Variants in CNIH3 observed in about 807,000 individuals in gnomAD.
The protein encoded by CNIH3 is cornichon family AMPA receptor auxiliary protein 3.
In CNIH3, 14 loss-of-function variants were observed where a neutral mutation model predicts 24.1. That is an observed-to-expected ratio of 0.58 (90% CI 0.38 to 0.91). The LOEUF is 0.91. Among genes scored for constraint, CNIH3 ranks in the 40% least tolerant of loss-of-function variants. CNIH3 has a pLI of 0.00. For synonymous variants in CNIH3, 68 were observed against 73.8 expected, an observed-to-expected ratio of 0.92 and a Z score of 0.40; for missense variants, 178 against 196.8, an observed-to-expected ratio of 0.90 and a Z score of 0.57.
At chr1:224,735,133 C>CAG (rs1482216803) in intron 5 of CNIH3, among the ~76,000 whole-genome samples, 2 of 152,160 alleles carry the variant, frequency 1.3e-5, no homozygotes, top group Non-Finnish European at 2.9e-5. Context: ...GGAACCATAA[C>CAG]AGAGGCCCCA....
intron 1 of CNIH3, among the ~76,000 whole-genome samples, chr1:224,678,270 A>G (rs1406528524): frequency 2.0e-5 from 3 of 152,318 alleles, no homozygotes; most frequent in East Asian, 3.9e-4. Context: ...AAGCACATGA[A>G]AAGACCTAGG....
At chr1:224,454,261 T>TC (rs1675552712) in intron 1 of CNIH3, 1 of 976,318 alleles carries the variant, frequency 1.0e-6, no homozygotes, top group Non-Finnish European at 1.2e-6. Context: ...TAGTAAGTTT[T>TC]TTTTTTTTTT....
chr1:224,542,727 G>A (rs1442252990), intron 2 of CNIH3, among the ~76,000 whole-genome samples: 4 of 152,130 alleles, frequency 2.6e-5, no homozygotes, highest in Non-Finnish European at 5.9e-5. Context: ...TGTCTTCCTA[G>A]GAACAGTCCA....
intron 1 of CNIH3, among the ~76,000 whole-genome samples, chr1:224,502,718 C>T (rs751819613): frequency 1.1e-4 from 16 of 152,226 alleles, no homozygotes; most frequent in Admixed American, 6.5e-5. Flanking sequence ...AAAAGACTGT[C>T]CCCTTTTCAT....
At chr1:224,663,939 C>G (rs531416494) in intron 1 of CNIH3, among the ~76,000 whole-genome samples, 1 of 152,194 alleles carries the variant, frequency 6.6e-6, no homozygotes, top group Admixed American at 6.5e-5. Context: ...GTCAAGGAAC[C>G]AAAATCTGTT....
Position 224,681,863 on chromosome 1 carries a change from T to C in CNIH3, c.150+837T>C, listed in dbSNP as rs1686420634. ...GGTGCACACACAGTTCATTCAAGTGTGTTTCTCAATCCAAATTCACTGGTT... is the reference window on the plus strand; with the variant it reads ...GGTGCACACACAGTTCATTCAAGTGCGTTTCTCAATCCAAATTCACTGGTT... On this transcript the variant is annotated intron_variant, in intron 2 of 5. Coordinates refer to ENST00000272133, the MANE Select transcript of CNIH3 (RefSeq NM_152495.2). Among the ~76,000 whole-genome samples, 10 of 152,196 alleles carry C rather than the reference T, an allele frequency of 6.6e-5. No homozygotes were observed. The South Asian group carries it at 1.4e-3, about 22-fold the overall frequency.
rs114576397 is a variant in CNIH3 at position 224,692,478 on chromosome 1, G to T, written c.198+7635G>T. Among the ~76,000 whole-genome samples, 281 of 152,286 alleles carry T rather than the reference G, an allele frequency of 1.8e-3. 1 individual carries two copies. The highest frequency in any genetic ancestry group is 6.3e-3 in the African/African-American group (261 of 41,546). ...TTGAGGGACATGATACGTGAAAAGG[G>T]ATACGTAAACTCAAAGGCAGTTGTG... is the stretch of plus-strand genomic sequence containing the variant. On this transcript the variant is annotated intron_variant, in intron 3 of 5. Coordinates refer to ENST00000272133, the MANE Select transcript of CNIH3 (RefSeq NM_152495.2).
At chr1:224,448,530 G>A (rs1359629250) in intron 1 of CNIH3, among the ~76,000 whole-genome samples, 1 of 152,158 alleles carries the variant, frequency 6.6e-6, no homozygotes, top group African/African-American at 2.4e-5. Flanking sequence ...AAGTTTTCTT[G>A]GAGTAAGTGG....
intron 1 of CNIH3, among the ~76,000 whole-genome samples, chr1:224,639,943 A>G (rs768786476): frequency 2.6e-5 from 4 of 152,178 alleles, no homozygotes; most frequent in Admixed American, 1.3e-4. Context: ...TATCACCTCC[A>G]TGTATTGAGT....
At chr1:224,597,671 C>T in intron 3 of CNIH3, among the ~76,000 whole-genome samples, 1 of 152,096 alleles carries the variant, frequency 6.6e-6, no homozygotes, top group East Asian at 1.9e-4. Context: ...CCATCCCTTC[C>T]CCCATACCTT....
chr1:224,516,850 A>T (rs1678410206), intron 1 of CNIH3, among the ~76,000 whole-genome samples: 1 of 149,606 alleles, frequency 6.7e-6, no homozygotes, highest in Middle Eastern at 3.5e-3. Context: ...CTAAGGACAC[A>T]CTCTTTCCTT....
At chr1:224,510,185 C>T (rs1678085945) in intron 1 of CNIH3, among the ~76,000 whole-genome samples, 1 of 152,092 alleles carries the variant, frequency 6.6e-6, no homozygotes, top group African/African-American at 2.4e-5. Context: ...TTGGAACTGC[C>T]CCCGTGAGAG....
intron 1 of CNIH3, among the ~76,000 whole-genome samples, chr1:224,649,924 C>T (rs1228264384): frequency 6.6e-6 from 1 of 152,186 alleles, no homozygotes; most frequent in Non-Finnish European, 1.5e-5. Context: ...AATTGTTGTT[C>T]TTAACAGAAT....
intron 1 of CNIH3, among the ~76,000 whole-genome samples, chr1:224,519,825 A>G (rs1678552235): frequency 1.3e-5 from 2 of 151,988 alleles, no homozygotes; most frequent in South Asian, 2.1e-4. Flanking sequence ...TACTAGCCAC[A>G]TGTGGCTATT....
chr1:224,557,627 T>G (rs1306692581), intron 3 of CNIH3, among the ~76,000 whole-genome samples: 1 of 152,142 alleles, frequency 6.6e-6, no homozygotes, highest in Non-Finnish European at 1.5e-5. Flanking sequence ...CAGCTAATTT[T>G]TGTATTTTTA....
At chr1:224,701,601 A>ATTC (rs1265656334) in intron 3 of CNIH3, among the ~76,000 whole-genome samples, 2 of 152,190 alleles carry the variant, frequency 1.3e-5, no homozygotes, top group Non-Finnish European at 2.9e-5. Context: ...TTATGGGGAG[A>ATTC]TGAACATTCA....
At chr1:224,546,777 A>G (rs1363761953) in intron 2 of CNIH3, 1 of 421,194 alleles carries the variant, frequency 2.4e-6, no homozygotes, top group Non-Finnish European at 3.2e-6. Flanking sequence ...GCAGAGCCTC[A>G]GCTTTGACAA....
In CNIH3 at chr1:224,643,513, C is replaced by T. The variant is rs77619049; in HGVS notation, c.81+26258C>T. On this transcript the variant is annotated intron_variant, in intron 1 of 5. Transcript: ENST00000272133. ...AGTGAGTGGGTCATGAAGGCAAGGC[C>T]TGACGTGGTGGGTCTGGTGTGTGAG... 9.4e-3 allele frequency among the ~76,000 whole-genome samples: 1,434 copies of T among 152,236 alleles called. 6 individuals are homozygous for T. The highest frequency in any genetic ancestry group is 0.013 in the Non-Finnish European group (912 of 68,026).
At chr1:224,679,888 T>C (rs1395717653) in intron 1 of CNIH3, among the ~76,000 whole-genome samples, 1 of 152,144 alleles carries the variant, frequency 6.6e-6, no homozygotes, top group African/African-American at 2.4e-5. Context: ...GAGTTGGTTA[T>C]GTCTGTTTAT....
Sources: gnomAD v4.1 joint callset for allele counts (sites outside exome capture counted in the v4.1 genomes callset) on GRCh38, gnomAD v4.1.1 for gene constraint, MANE v1.5 for transcripts, NCBI Gene and HGNC (gene_info 2026-07-23, HGNC 2026-07-21) for gene names.